The following PRKAR2A variants were observed in gnomAD, a reference collection of about 807,000 sequenced individuals.
PRKAR2A encodes the protein protein kinase cAMP-dependent type II regulatory subunit alpha.
In PRKAR2A, 29 loss-of-function variants were observed where a neutral mutation model predicts 51.9. The ratio of observed to expected loss-of-function variants is 0.56; its 90% CI spans 0.42 to 0.76. PRKAR2A has a LOEUF of 0.76. PRKAR2A is among the 30% of genes least tolerant of loss of function. The pLI is 0.00. For synonymous variants in PRKAR2A, 178 were observed against 186.2 expected (o/e 0.96, Z 0.36); for missense variants, 445 against 512.1 (o/e 0.87, Z 1.26).
intron 2 of PRKAR2A, 105 bp downstream of exon 2, chr3:48,807,544 G>A (rs1488607484): frequency 3.8e-5 from 36 of 937,622 alleles, no homozygotes; most frequent in Non-Finnish European, 5.3e-5. Flanking sequence ...TTTAGATAAT[G>A]TTCTGTGATG....
intron 1 of PRKAR2A, among the ~76,000 whole-genome samples, chr3:48,834,157 C>CTCAGAAGG (rs2083241900): frequency 6.6e-6 from 1 of 152,002 alleles, no homozygotes; most frequent in Admixed American, 6.6e-5. Flanking sequence ...GCAGTAAAAG[C>CTCAGAAGG]TCAGAAGGAG....
chr3:48,847,089 C>G lies in PRKAR2A; in HGVS notation c.262+246G>C, dbSNP rs1385917699. Among the ~76,000 whole-genome samples the G allele has an allele frequency of 6.6e-6, 1 of 152,240 alleles. No homozygotes were observed. Among genetic ancestry groups the G allele is most frequent in the African/African-American group, 2.4e-5 (1 of 41,468 alleles). ...GCAGGGCCGACAGCGCGCACGTTTCCTTCAAGGCTGGATCTGACAAATCAC... is the reference window on the plus strand; with the variant it reads ...GCAGGGCCGACAGCGCGCACGTTTCGTTCAAGGCTGGATCTGACAAATCAC... On this transcript the variant is annotated intron_variant, in intron 1 of 10. Coordinates refer to ENST00000265563, the MANE Select transcript of PRKAR2A (RefSeq NM_004157.4). The surrounding 1 kb of genome is among the most constrained non-coding windows in gnomAD (Gnocchi z 4.4).
chr3:48,814,000 A>C (rs1178949783), intron 1 of PRKAR2A, among the ~76,000 whole-genome samples: 1 of 152,136 alleles, frequency 6.6e-6, no homozygotes, highest in Non-Finnish European at 1.5e-5. Context: ...GTGTAATCCC[A>C]GCACTTTAAG....
At position 48,751,402 on chromosome 3, in the gene PRKAR2A, G is replaced by A; in HGVS notation, c.*183C>T. Reference sequence around the variant, plus strand: ...CCTTCAGAAGCAAAGTGGAGGTGTGGGTTGAACCTCTGCCCATCCTTTAGT... The same window carrying A: ...CCTTCAGAAGCAAAGTGGAGGTGTGAGTTGAACCTCTGCCCATCCTTTAGT... On this transcript the variant is annotated 3_prime_UTR_variant, in exon 11 of 11. Coordinates refer to ENST00000265563, the MANE Select transcript of PRKAR2A (RefSeq NM_004157.4). 2 of 831,742 alleles carry A rather than the reference G, an allele frequency of 2.4e-6. No homozygotes were observed. Among genetic ancestry groups the A allele is most frequent in the Non-Finnish European group, 4.0e-6 (2 of 503,560 alleles). The allele number at this position is 831,742 out of a possible 1,614,324, so 51.5% of individuals were successfully genotyped here. A position where few individuals can be genotyped will look rare whatever the true frequency, so the allele number is the denominator to read the frequency against.
intron 2 of PRKAR2A, 78 bp from the exon 3 acceptor site, chr3:48,794,127 A>G (rs1277792432): frequency 3.9e-5 from 42 of 1,079,920 alleles, no homozygotes; most frequent in Non-Finnish European, 4.2e-5. Context: ...AGTGAACTCA[A>G]TTTTCTTTTA....
intron 1 of PRKAR2A, among the ~76,000 whole-genome samples, chr3:48,814,027 G>T (rs2082828101): frequency 6.6e-6 from 1 of 151,880 alleles, no homozygotes; most frequent in Non-Finnish European, 1.5e-5. Flanking sequence ...AGGTGGGTGG[G>T]TCACGAGGTC....
Position 48,751,327 on chromosome 3 carries a change from G to A in PRKAR2A, c.*258C>T. 1 of 626,644 alleles carries A rather than the reference G, an allele frequency of 1.6e-6. No homozygotes were observed. Among genetic ancestry groups the A allele is most frequent in the East Asian group, 3.3e-5 (1 of 30,192 alleles). 38.8% of individuals were successfully genotyped at this position (626,644 alleles called of 1,614,324 possible). On this transcript the variant is annotated 3_prime_UTR_variant, in exon 11 of 11. Transcript: ENST00000265563. ...GAGAGACATGCCGTTTTGAACCAAA[G>A]ATATAAAAACTGGGTTGGAGTAATC...
At position 48,748,397 on chromosome 3, in the gene PRKAR2A, G is replaced by C. The variant is rs966954726; in HGVS notation, c.*3188C>G. The C allele has an allele frequency of 6.6e-6, 1 of 150,950 alleles. No individual in the cohort carries two copies. Among genetic ancestry groups the C allele is most frequent in the Non-Finnish European group, 1.5e-5 (1 of 67,950 alleles). The allele number at this position is 150,950 out of a possible 1,614,324, so 9.4% of individuals were successfully genotyped here. A position where few individuals can be genotyped will look rare whatever the true frequency, so the allele number is the denominator to read the frequency against. The stretch of plus-strand genomic sequence containing the variant: ...AATCCTCCCACTTTGGCTTCCCAAA[G>C]TGCTGAGATTACAGGCATGAGCCAC... On this transcript the variant is annotated 3_prime_UTR_variant, in exon 11 of 11. Coordinates refer to ENST00000265563, the MANE Select transcript of PRKAR2A (RefSeq NM_004157.4).
chr3:48,759,952 A>C (rs2081838561), intron 8 of PRKAR2A, among the ~76,000 whole-genome samples: 1 of 152,224 alleles, frequency 6.6e-6, no homozygotes, highest in Non-Finnish European at 1.5e-5. Context: ...CAAAAACATA[A>C]AACATGATTT....
At chr3:48,766,102 CTG>C (rs1265042459) in intron 6 of PRKAR2A, among the ~76,000 whole-genome samples, 1 of 151,810 alleles carries the variant, frequency 6.6e-6, no homozygotes, top group Non-Finnish European at 1.5e-5. Flanking sequence ...TGGCACTTGT[CTG>C]TACTTGGGTG....
At position 48,836,419 on chromosome 3, in the gene PRKAR2A, T is replaced by TAA. The variant is rs548970318; in HGVS notation, c.262+10914_262+10915dup. Among the ~76,000 whole-genome samples, 488 of 56,038 alleles carry TAA rather than the reference T, an allele frequency of 8.7e-3. 9 individuals are homozygous for TAA. Among genetic ancestry groups the TAA allele is most frequent in the African/African-American group, 0.041 (452 of 11,028 alleles). The allele number at this position is 56,038 out of a possible 152,430, so 36.8% of individuals were successfully genotyped here. On this transcript the variant is annotated intron_variant, in intron 1 of 10. Transcript: ENST00000265563. The stretch of plus-strand genomic sequence containing the variant: ...CTGGGCGACAGTGCGAGACTCCGTC[T>TAA]AAAAAAAAAAAAAAAAAAAAAAAAA...
At chr3:48,772,835 G>C (rs2082047973) in intron 6 of PRKAR2A, 120 bp downstream of exon 6, 2 of 1,052,198 alleles carry the variant, frequency 1.9e-6, no homozygotes, top group Non-Finnish European at 2.6e-6. Context: ...GTAGAGATGG[G>C]GTTTCACCGT....
chr3:48,794,704 GAA>G (rs1183000660), intron 2 of PRKAR2A, among the ~76,000 whole-genome samples: 3 of 151,942 alleles, frequency 2.0e-5, no homozygotes, highest in East Asian at 1.9e-4. Flanking sequence ...CAAAAAAAAT[GAA>G]AAGAGGGTAA....
intron 1 of PRKAR2A, among the ~76,000 whole-genome samples, chr3:48,823,736 T>C (rs2083008918): frequency 7.2e-6 from 1 of 137,966 alleles, no homozygotes. Context: ...CTGCAAGCCA[T>C]GATCACACCA....
At chr3:48,776,524 A>ATG (rs1245439594) in intron 5 of PRKAR2A, among the ~76,000 whole-genome samples, 7 of 151,998 alleles carry the variant, frequency 4.6e-5, no homozygotes, top group Non-Finnish European at 8.8e-5. Context: ...ACGCCTGTGT[A>ATG]TGTGTGTATA....
intron 3 of PRKAR2A, among the ~76,000 whole-genome samples, chr3:48,791,085 G>A (rs1032876959): frequency 1.3e-5 from 2 of 151,922 alleles, no homozygotes; most frequent in Non-Finnish European, 2.9e-5. Flanking sequence ...TCAGGAGATC[G>A]AGACCATCTT....
intron 2 of PRKAR2A, among the ~76,000 whole-genome samples, chr3:48,803,071 T>G (rs150240429): frequency 1.4e-4 from 22 of 152,148 alleles, no homozygotes; most frequent in African/African-American, 4.8e-4. Context: ...GAAGGAGGTA[T>G]AGGAGGTTTT....
chr3:48,829,711 T>C (rs1351759286), intron 1 of PRKAR2A, among the ~76,000 whole-genome samples: 2 of 140,362 alleles, frequency 1.4e-5, no homozygotes, highest in Non-Finnish European at 3.1e-5. Flanking sequence ...TATATTCTTA[T>C]ACGTATATAT....
chr3:48,808,005 T>C (rs2082701073), intron 1 of PRKAR2A, among the ~76,000 whole-genome samples: 1 of 152,092 alleles, frequency 6.6e-6, no homozygotes, highest in South Asian at 2.1e-4. Context: ...TTATTGATAA[T>C]GTTATGATAT....
Sources: allele counts gnomAD v4.1 joint callset (sites outside exome capture counted in the v4.1 genomes callset), GRCh38; gene constraint gnomAD v4.1.1; non-coding constraint Gnocchi (gnomAD v3.1); transcripts MANE v1.5; gene names NCBI Gene and HGNC (gene_info 2026-07-23, HGNC 2026-07-21).